ARSB: variants seen among roughly 807,000 people sequenced by gnomAD.
ARSB encodes the protein N-acetylgalactosamine-4-sulfatase.
A neutral mutation model predicts 50.9 loss-of-function variants in ARSB; 41 were observed. The observed-to-expected ratio is 0.81, with a 90% CI of 0.63 to 1.04. The LOEUF (loss-of-function observed/expected upper bound fraction) is 1.04. Among genes scored for constraint, ARSB ranks in the 50% least tolerant of loss-of-function variants. The pLI, the probability that ARSB is intolerant of heterozygous loss-of-function variation, is 0.00. For synonymous variants in ARSB, 269 were observed against 284.8 expected (o/e 0.94, Z 0.56); for missense variants, 672 against 693.3 (o/e 0.97, Z 0.35).
At chr5:78,955,088 T>TTA (rs1751658448) in intron 4 of ARSB, among the ~76,000 whole-genome samples, 3 of 152,234 alleles carry the variant, frequency 2.0e-5, no homozygotes, top group African/African-American at 7.2e-5. Context: ...AGTCCCAGAA[T>TTA]ATTTTGATAT....
At chr5:78,806,281 A>C (rs905054205) in intron 6 of ARSB, among the ~76,000 whole-genome samples, 35 of 152,366 alleles carry the variant, frequency 2.3e-4, no homozygotes, top group African/African-American at 8.2e-4. Context: ...CATGTGTAAC[A>C]ACTGTATACC....
intron 6 of ARSB, among the ~76,000 whole-genome samples, chr5:78,832,731 T>C (rs1014647104): frequency 2.0e-5 from 3 of 152,144 alleles, no homozygotes; most frequent in Admixed American, 6.5e-5. Flanking sequence ...TTAGAAACTT[T>C]AAAGAGAAGA....
At chr5:78,834,014 C>T (rs1202818167) in intron 6 of ARSB, among the ~76,000 whole-genome samples, 2 of 152,126 alleles carry the variant, frequency 1.3e-5, no homozygotes, top group Non-Finnish European at 2.9e-5. Context: ...TACTTTTAGG[C>T]TCAGGAAAGG....
chr5:78,980,310 T>C (rs754334948), intron 1 of ARSB, among the ~76,000 whole-genome samples: 2 of 152,230 alleles, frequency 1.3e-5, no homozygotes, highest in Non-Finnish European at 1.5e-5. Flanking sequence ...TTTATCAAAA[T>C]TACAAATGCA....
intron 6 of ARSB, among the ~76,000 whole-genome samples, chr5:78,832,892 C>T (rs552643326): frequency 1.1e-4 from 17 of 152,146 alleles, no homozygotes; most frequent in African/African-American, 3.4e-4. Context: ...TGTGTGCGTA[C>T]GTTTTAAATA....
At chr5:78,894,734 C>A (rs1273492167) in intron 4 of ARSB, among the ~76,000 whole-genome samples, 3 of 152,192 alleles carry the variant, frequency 2.0e-5, no homozygotes, top group Admixed American at 1.3e-4. Context: ...TCAATAATAA[C>A]AAGAACCTCT....
intron 1 of ARSB, among the ~76,000 whole-genome samples, chr5:78,970,931 A>G (rs947437512): frequency 2.6e-4 from 39 of 152,184 alleles, no homozygotes; most frequent in African/African-American, 8.9e-4. Context: ...ACTGCACTGC[A>G]CTCCAGCCTG....
At chr5:78,867,443 G>C (rs914649807) in intron 5 of ARSB, among the ~76,000 whole-genome samples, 1 of 152,188 alleles carries the variant, frequency 6.6e-6, no homozygotes. Flanking sequence ...AGAGAGCAGT[G>C]GTTCTCCCAG....
intron 4 of ARSB, among the ~76,000 whole-genome samples, chr5:78,908,441 G>C (rs1352510846): frequency 6.6e-6 from 1 of 152,192 alleles, no homozygotes; most frequent in African/African-American, 2.4e-5. Flanking sequence ...CAATAGCGCT[G>C]TGAAGTGGAG....
At chr5:78,789,709 T>C (rs1175055217) in intron 6 of ARSB, among the ~76,000 whole-genome samples, 1 of 152,158 alleles carries the variant, frequency 6.6e-6, no homozygotes, top group African/African-American at 2.4e-5. Flanking sequence ...TAGAGAGAAC[T>C]AATAATAATA....
intron 4 of ARSB, among the ~76,000 whole-genome samples, chr5:78,934,414 C>G (rs1220828350): frequency 2.0e-5 from 3 of 151,982 alleles, no homozygotes; most frequent in Admixed American, 1.3e-4. Context: ...AAATAAAATA[C>G]TACAATCATT....
chr5:78,848,837 T>C (rs1745591494), intron 5 of ARSB, among the ~76,000 whole-genome samples: 1 of 152,266 alleles, frequency 6.6e-6, no homozygotes. Context: ...TGAGCATTTT[T>C]TCACGTGTCT....
intron 6 of ARSB, among the ~76,000 whole-genome samples, chr5:78,785,834 G>A (rs990779306): frequency 7.2e-5 from 11 of 152,174 alleles, no homozygotes; most frequent in Non-Finnish European, 1.0e-4. Context: ...GGATGGGCCC[G>A]ATCTAATGAC....
At chr5:78,974,639 C>T (rs1432585480) in intron 1 of ARSB, among the ~76,000 whole-genome samples, 1 of 152,228 alleles carries the variant, frequency 6.6e-6, no homozygotes, top group Non-Finnish European at 1.5e-5. Context: ...TCCTCTAACT[C>T]CACTGGTCAT....
intron 6 of ARSB, among the ~76,000 whole-genome samples, chr5:78,835,474 C>T (rs189182427): frequency 6.6e-6 from 1 of 152,224 alleles, no homozygotes; most frequent in Admixed American, 6.5e-5. Context: ...CCCAGGATGA[C>T]CCACTAAGGG....
At chr5:78,909,977 C>T (rs866217270) in intron 4 of ARSB, among the ~76,000 whole-genome samples, 1 of 152,224 alleles carries the variant, frequency 6.6e-6, no homozygotes, top group Non-Finnish European at 1.5e-5. Flanking sequence ...GGCAGCAATG[C>T]TGCTCTGCTA....
chr5:78,820,651 T>C (rs1744176191), intron 6 of ARSB, among the ~76,000 whole-genome samples: 1 of 152,170 alleles, frequency 6.6e-6, no homozygotes, highest in Admixed American at 6.5e-5. Context: ...AAGAATAAAG[T>C]AGACCTTTAT....
intron 6 of ARSB, among the ~76,000 whole-genome samples, chr5:78,813,675 T>C (rs1364943897): frequency 6.6e-6 from 1 of 152,048 alleles, no homozygotes; most frequent in Non-Finnish European, 1.5e-5. Context: ...GAGGATCACT[T>C]GAGCCAGGGA....
intron 6 of ARSB, among the ~76,000 whole-genome samples, chr5:78,811,856 A>G (rs1010974633): frequency 2.0e-5 from 3 of 152,240 alleles, no homozygotes; most frequent in Non-Finnish European, 4.4e-5. Context: ...TATAAAAAGC[A>G]GAAACTTAAT....
Sources: gnomAD v4.1 joint callset for allele counts (sites outside exome capture counted in the v4.1 genomes callset) on GRCh38, gnomAD v4.1.1 for gene constraint, MANE v1.5 for transcripts, NCBI Gene and HGNC (gene_info 2026-07-23, HGNC 2026-07-21) for gene names.